TEP1: variants seen among roughly 807,000 people sequenced by gnomAD.
The protein encoded by TEP1 is telomerase associated protein 1.
TEP1 carries 241 observed loss-of-function variants against 306.3 expected under a neutral mutation model. The observed-to-expected ratio is 0.79, with a 90% CI of 0.71 to 0.88. TEP1 has a LOEUF of 0.88. Ranked by LOEUF, TEP1 falls within the 40% of genes least tolerant of loss-of-function variation. The pLI is 0.00. For synonymous variants in TEP1, 1,289 were observed against 1,305.5 expected (o/e 0.99, Z 0.27); for missense variants, 3,051 against 3,276.1 (o/e 0.93, Z 1.68).
rs368068653 is a variant in TEP1 at position 20,403,421 on chromosome 14, A to G, written c.1222T>C (p.Cys408Arg). The G allele has an allele frequency of 9.3e-6, 15 of 1,614,090 alleles. No homozygotes were observed. Among genetic ancestry groups the G allele is most frequent in the Admixed American group, 1.7e-5 (1 of 60,004 alleles). ...AGAAACCCTATGTACCTTGGAAAACATCTGTGAGAAAATGGAGGCTCCATC... is the reference window on the plus strand; with the variant it reads ...AGAAACCCTATGTACCTTGGAAAACGTCTGTGAGAAAATGGAGGCTCCATC... ...PGMEPPFSHRCFPRYIGFLRE... is the reference protein window; with the variant it reads ...PGMEPPFSHRRFPRYIGFLRE... The change falls in exon 7 of 55, where the codon TGT (cysteine) becomes CGT (arginine). Residue 408 changes from cysteine to arginine, a missense_variant. Cys to Arg is a radical substitution (Grantham distance 180). This residue lies in a region of TEP1 where 1,507 missense variants were observed against 1,550.5 expected (regional missense o/e 0.97). Coordinates refer to ENST00000262715, the MANE Select transcript of TEP1 (RefSeq NM_007110.5).
rs112024184 is a variant in TEP1, at chr14:20,368,764, G to GCACACACA, written c.7761+26_7761+33dup. 12,246 of 1,341,336 alleles carry GCACACACA rather than the reference G, an allele frequency of 9.1e-3. 61 individuals carry two copies. The highest frequency in any genetic ancestry group is 0.045 in the African/African-American group (3,045 of 67,584). The allele number at this position is 1,341,336 out of a possible 1,614,324, so 83.1% of individuals were successfully genotyped here. A position where few individuals can be genotyped will look rare whatever the true frequency, so the allele number is the denominator to read the frequency against. On this transcript the variant is annotated intron_variant, in intron 54 of 54. Transcript: ENST00000262715. ...CTTTGGGATAGGTGTGCAGGCGCAC[G>GCACACACA]CACACACACACACACACACACACAC... is the stretch of plus-strand genomic sequence containing the variant.
At chr14:20,396,294 C>G (rs1257814836) in intron 10 of TEP1, among the ~76,000 whole-genome samples, 3 of 152,324 alleles carry the variant, frequency 2.0e-5, no homozygotes, top group African/African-American at 7.2e-5. Flanking sequence ...CATCGCAAAA[C>G]CCCATCTCTA....
chr14:20,378,281 C>A, intron 38 of TEP1, 45 bp from the exon 39 acceptor site: 1 of 1,612,836 alleles, frequency 6.2e-7, no homozygotes, highest in Admixed American at 1.7e-5. Flanking sequence ...CTGCTCTCAG[C>A]AAAATCTTAA....
Position 20,369,482 on chromosome 14 carries a change from C to G in TEP1, c.7518G>C (p.Gln2506His). 6.2e-7 allele frequency: 1 copy of G among 1,614,118 alleles called. No homozygotes were observed. The change falls in exon 53 of 55, where the codon CAG becomes CAC. Residue 2506 changes from glutamine to histidine, a missense_variant. Physicochemically the swap from Gln to His is conservative, Grantham distance 24 (BLOSUM62 0). Coordinates refer to ENST00000262715, the MANE Select transcript of TEP1 (RefSeq NM_007110.5). ...GGGTTTCTGGAGTGTTTGCTTTTTT[C>G]TGCCACATGTTACCTGTGGTCCATT... Reference protein sequence around the residue: ...EGEWTTGNMWQKKANTPETQT... With the variant: ...EGEWTTGNMWHKKANTPETQT...
rs1594312285 is a variant in TEP1, at chr14:20,367,359, T to C, written c.*1078A>G. 1 of 132,058 alleles carries C rather than the reference T, an allele frequency of 7.6e-6. No homozygotes were observed. The highest frequency in any genetic ancestry group is 2.1e-4 in the East Asian group (1 of 4,672). 8.2% of individuals were successfully genotyped at this position (132,058 alleles called of 1,614,324 possible). The stretch of plus-strand genomic sequence containing the variant: ...GCCTAGGTGACAGAGCCAGACTCTA[T>C]CTCAAAAACAAAAAAAAAAAAAAAA... On this transcript the variant is annotated 3_prime_UTR_variant, in exon 55 of 55. Coordinates refer to ENST00000262715, the MANE Select transcript of TEP1 (RefSeq NM_007110.5).
In TEP1 at chr14:20,408,203, G is replaced by T. The variant is rs1566486160; in HGVS notation, c.237C>A (p.Asn79Lys). 1 of 1,613,514 alleles carries T rather than the reference G, an allele frequency of 6.2e-7. No individual in the cohort carries two copies. Among genetic ancestry groups the T allele is most frequent in the Non-Finnish European group, 8.5e-7 (1 of 1,179,570 alleles). The change falls in exon 2 of 55, where the codon AAC becomes AAA. Residue 79 changes from asparagine to lysine, a missense_variant. Around this residue, in one of 3 missense-constraint regions of TEP1, gnomAD observed 1,507 missense variants for 1,550.5 expected, o/e 0.97. Transcript: ENST00000262715. ...GGTCAGAAAGTGTGGCCAGGCACTG[G>T]TTCTCCAAGGAGAGGATGTCTGGGT... Reference protein sequence around the residue: ...SAHPDILSLENQCLATLSDLK... With the variant: ...SAHPDILSLEKQCLATLSDLK...
At chr14:20,368,975 T>C (rs1884651120) in intron 53 of TEP1, 73 bp from the exon 54 acceptor site, 1 of 1,080,788 alleles carries the variant, frequency 9.3e-7, no homozygotes, top group Middle Eastern at 2.1e-4. Flanking sequence ...CACAATGTGC[T>C]GTGTCAGACC....
chr14:20,379,860 CA>C (rs1885421708), intron 35 of TEP1, 69 bp downstream of exon 35: 15 of 1,536,540 alleles, frequency 9.8e-6, no homozygotes, highest in Non-Finnish European at 1.3e-5. Flanking sequence ...GTGTTTGGCT[CA>C]TCTAGGGCTT....
At chr14:20,386,657 G>T in intron 18 of TEP1, 34 bp from the exon 19 acceptor site, 1 of 1,536,914 alleles carries the variant, frequency 6.5e-7, no homozygotes. Flanking sequence ...CTCAGTCTAG[G>T]GATGATTCCC....
chr14:20,372,652 C>T (rs17211348), intron 49 of TEP1, 81 bp downstream of exon 49: 15,944 of 1,594,054 alleles, frequency 0.01, 114 homozygotes, highest in Non-Finnish European at 0.012. Context: ...AGTTCAGAAG[C>T]AGAAGTGCAG....
At chr14:20,368,982 G>T in intron 53 of TEP1, 80 bp from the exon 54 acceptor site, 1 of 956,716 alleles carries the variant, frequency 1.0e-6, no homozygotes, top group Non-Finnish European at 1.6e-6. Context: ...TGCTGTGTCA[G>T]ACCTACAGCC....
chr14:20,383,987 T>G (rs1357189096), intron 24 of TEP1, 51 bp downstream of exon 24: 1 of 1,585,520 alleles, frequency 6.3e-7, no homozygotes, highest in East Asian at 2.2e-5. Flanking sequence ...CTTACCTCCT[T>G]AGCCCACACA....
intron 44 of TEP1, 132 bp from the exon 45 acceptor site, chr14:20,373,942 TG>T: frequency 8.1e-7 from 1 of 1,234,612 alleles, no homozygotes. Context: ...TCAGGAACAG[TG>T]GGGTTGGGTG....
chr14:20,375,969 G>A (rs1885149954), intron 42 of TEP1, 101 bp from the exon 43 acceptor site: 2 of 1,476,718 alleles, frequency 1.4e-6, no homozygotes, highest in South Asian at 2.3e-5. Flanking sequence ...GGGGCACAAG[G>A]AAGCACAGGC....
chr14:20,389,540 T>C, intron 16 of TEP1, 70 bp downstream of exon 16: 1 of 1,589,856 alleles, frequency 6.3e-7, no homozygotes, highest in Non-Finnish European at 8.6e-7. Flanking sequence ...GTCCTATGCT[T>C]TGGCAGGCGT....
At chr14:20,408,613 C>G in intron 1 of TEP1, 150 bp from the exon 2 acceptor site, 1 of 670,586 alleles carries the variant, frequency 1.5e-6, no homozygotes, top group Non-Finnish European at 2.5e-6. Flanking sequence ...CTGGGTTCAT[C>G]CAGAGAATAT....
chr14:20,372,738 A>G lies in TEP1; in HGVS notation c.7071T>C (p.Asn2357=). 6.2e-7 allele frequency: 1 copy of G among 1,613,984 alleles called. No individual in the cohort carries two copies. The highest frequency in any genetic ancestry group is 8.5e-7 in the Non-Finnish European group (1 of 1,179,982). The change falls in exon 49 of 55, where the codon AAT becomes AAC. Residue 2357 remains asparagine (N), a synonymous_variant. Coordinates refer to ENST00000262715, the MANE Select transcript of TEP1 (RefSeq NM_007110.5). ...VKLRKGSAPG[N]LSLHLNRILQ... is the part of the protein sequence containing the mutation. ...AACCCATCAGCCTGTTTCACCTCAA[A>G]TTTCCGGGTGCCGAACCCTTCCGCA...
Position 20,380,260 on chromosome 14 carries a change from G to T in TEP1, c.4978C>A (p.Pro1660Thr), listed in dbSNP as rs761817163. The T allele has an allele frequency of 3.7e-6, 6 of 1,614,036 alleles. No homozygotes were observed. Among genetic ancestry groups the T allele is most frequent in the Non-Finnish European group, 5.1e-6 (6 of 1,180,044 alleles). Reference sequence around the variant, plus strand: ...CTTTGCTGATTTTTCATGGTCCGGGGTTTATTAAGCCATCGTAGTGTGTGT... The same window carrying T: ...CTTTGCTGATTTTTCATGGTCCGGGTTTTATTAAGCCATCGTAGTGTGTGT... ...LQHTLRWLNK[P>T]RTMKNQQSSS... The change falls in exon 34 of 55, where the codon CCC (proline) becomes ACC (threonine). Residue 1660 changes from proline (P) to threonine (T), a missense_variant. By Grantham distance (38) the Pro-to-Thr change is conservative. Around this residue, in one of 3 missense-constraint regions of TEP1, gnomAD observed 1,540 missense variants for 1,705.9 expected, o/e 0.90. Coordinates refer to ENST00000262715, the MANE Select transcript of TEP1 (RefSeq NM_007110.5).
intron 21 of TEP1, 32 bp downstream of exon 21, chr14:20,384,953 A>G: frequency 3.1e-6 from 5 of 1,613,976 alleles, no homozygotes; most frequent in Non-Finnish European, 4.2e-6. Context: ...CTTTTGGGGA[A>G]GGAGCCCCAG....
Sources: allele counts gnomAD v4.1 joint callset (sites outside exome capture counted in the v4.1 genomes callset), GRCh38; gene constraint gnomAD v4.1.1; regional missense constraint gnomAD v4.1.1; transcripts MANE v1.5; gene names NCBI Gene and HGNC (gene_info 2026-07-23, HGNC 2026-07-21).